Variants in MAP7D2 observed in about 807,000 individuals in gnomAD.
MAP7D2 encodes MAP7 domain-containing protein 2.
In MAP7D2, 33 loss-of-function variants were observed where a neutral mutation model predicts 63.5. The ratio of observed to expected loss-of-function variants is 0.52; its 90% CI spans 0.39 to 0.70. MAP7D2 has a LOEUF of 0.70. Among genes scored for constraint, MAP7D2 ranks in the 30% least tolerant of loss-of-function variants. The pLI is 0.00. For synonymous variants in MAP7D2, 224 were observed against 223.7 expected (o/e 1.00, Z -0.01); for missense variants, 626 against 604.0 (o/e 1.04, Z -0.38).
rs1304921143 is a variant in MAP7D2 at position 20,025,086 on chromosome X, G to A, written c.1280-3C>T. ...GCCTGCTGTGGGCTTCCCCAAGGCT[G>A]CACCAGAGGAGAGGCATCAAGAGGA... On this transcript the variant is annotated splice_polypyrimidine_tract_variant and splice_region_variant and intron_variant, in intron 9 of 16. Coordinates refer to ENST00000379643, the MANE Select transcript of MAP7D2 (RefSeq NM_001168465.2). 8.3e-7 allele frequency: 1 copy of A among 1,199,219 alleles called. No homozygotes were observed. Among genetic ancestry groups the A allele is most frequent in the South Asian group, 1.8e-5 (1 of 54,595 alleles).
intron 16 of MAP7D2, among the ~76,000 whole-genome samples, chrX:20,010,043 A>C (rs745702943): frequency 8.9e-6 from 1 of 112,127 alleles, no homozygotes; most frequent in Admixed American, 9.5e-5. Flanking sequence ...TGGAATTATT[A>C]AATTATTAAA....
intron 1 of MAP7D2, among the ~76,000 whole-genome samples, chrX:20,076,390 T>C (rs908842172): frequency 2.7e-5 from 3 of 111,653 alleles, no homozygotes; most frequent in African/African-American, 9.8e-5. Context: ...GGTATAGACA[T>C]CCAAAAGGTA....
chrX:20,107,322 G>T (rs375952580), intron 1 of MAP7D2, among the ~76,000 whole-genome samples: 1 of 111,354 alleles, frequency 9.0e-6, no homozygotes, highest in Non-Finnish European at 1.9e-5. Context: ...TGTAATCCCA[G>T]CACTTTGGGA....
chrX:20,028,636 T>C (rs1400544606), intron 8 of MAP7D2, among the ~76,000 whole-genome samples: 3 of 111,803 alleles, frequency 2.7e-5, no homozygotes, highest in Non-Finnish European at 5.6e-5. Context: ...CACGCTGTTA[T>C]CTAAGGTGAG....
chrX:20,101,680 T>C (rs1372746020), intron 1 of MAP7D2, among the ~76,000 whole-genome samples: 1 of 112,487 alleles, frequency 8.9e-6, no homozygotes, highest in East Asian at 2.8e-4. Context: ...ATAAAACAAA[T>C]TGTGATACAG....
At chrX:20,049,654 G>A (rs1458464502) in intron 6 of MAP7D2, among the ~76,000 whole-genome samples, 2 of 111,812 alleles carry the variant, frequency 1.8e-5, no homozygotes, top group Non-Finnish European at 3.8e-5. Flanking sequence ...TTGTGAATAA[G>A]TTTTTGTGCA....
At chrX:20,013,003 C>G in intron 14 of MAP7D2, 51 bp downstream of exon 14, 2 of 1,053,870 alleles carry the variant, frequency 1.9e-6, no homozygotes, top group Non-Finnish European at 2.7e-6. Context: ...CCAAGTCTTA[C>G]GAGCTTTTGC....
At chrX:20,109,436 C>T (rs2066668054) in intron 1 of MAP7D2, among the ~76,000 whole-genome samples, 1 of 104,735 alleles carries the variant, frequency 9.5e-6, no homozygotes. Context: ...AGGAGAATCG[C>T]TTGAACCCAG....
At chrX:20,010,669 G>A (rs752178214) in intron 16 of MAP7D2, 108 bp downstream of exon 16, 98 of 635,326 alleles carry the variant, frequency 1.5e-4, no homozygotes, top group East Asian at 3.7e-4. Flanking sequence ...TCATGTTTGC[G>A]TTTTTCAAAT....
chrX:20,064,459 C>T (rs1271459485), intron 2 of MAP7D2, among the ~76,000 whole-genome samples: 4 of 112,055 alleles, frequency 3.6e-5, no homozygotes, highest in African/African-American at 1.3e-4. Context: ...TCAGGGGCAG[C>T]GACTGTTTCT....
At chrX:20,111,973 T>C (rs959958828) in intron 1 of MAP7D2, among the ~76,000 whole-genome samples, 1 of 111,623 alleles carries the variant, frequency 9.0e-6, no homozygotes, top group Non-Finnish European at 1.9e-5. Context: ...GGTTTTGCCA[T>C]GTTGCCCAGG....
intron 1 of MAP7D2, among the ~76,000 whole-genome samples, chrX:20,070,304 G>A (rs867249307): frequency 4.9e-4 from 49 of 100,545 alleles, no homozygotes; most frequent in Middle Eastern, 5.0e-3. Flanking sequence ...TTATTTATTT[G>A]TAGAGATGCA....
intron 8 of MAP7D2, among the ~76,000 whole-genome samples, chrX:20,027,610 C>T (rs2073895267): frequency 9.1e-6 from 1 of 109,986 alleles, no homozygotes; most frequent in Non-Finnish European, 1.9e-5. Context: ...TGCCTTCAGA[C>T]ATTGCTAAAC....
Position 20,116,887 on chromosome X carries a change from C to A in MAP7D2, c.-8G>T. 1.8e-6 allele frequency: 2 copies of A among 1,106,079 alleles called. No individual in the cohort carries two copies. The highest frequency in any genetic ancestry group is 2.4e-6 in the Non-Finnish European group (2 of 844,552). The allele number at this position is 1,106,079 out of a possible 1,213,427, so 91.2% of individuals were successfully genotyped here. The stretch of plus-strand genomic sequence containing the variant: ...GCCGCCGCCGCGCTCCATCGGGATG[C>A]GCCGGCCGCACAGGCGCACTGCCAA... On this transcript the variant is annotated 5_prime_UTR_variant, in exon 1 of 17. Transcript: ENST00000379643.
chrX:20,096,442 A>G (rs1000001636), intron 1 of MAP7D2, among the ~76,000 whole-genome samples: 2 of 106,984 alleles, frequency 1.9e-5, no homozygotes, highest in Non-Finnish European at 3.8e-5. Context: ...AAAAAAAAAA[A>G]AAAAAAGAAA....
intron 11 of MAP7D2, 92 bp from the exon 12 acceptor site, chrX:20,015,419 T>C (rs2073352633): frequency 1.4e-6 from 1 of 691,213 alleles, no homozygotes; most frequent in African/African-American, 2.1e-5. Flanking sequence ...CTTCATCTCA[T>C]CATCTGCCCT....
At chrX:20,112,637 C>G (rs1253202571) in intron 1 of MAP7D2, among the ~76,000 whole-genome samples, 1 of 111,431 alleles carries the variant, frequency 9.0e-6, no homozygotes, top group Non-Finnish European at 1.9e-5. Flanking sequence ...CTACTACCCC[C>G]TCTTCCTTCT....
intron 8 of MAP7D2, among the ~76,000 whole-genome samples, chrX:20,038,201 T>C (rs1244426792): frequency 8.9e-6 from 1 of 111,973 alleles, no homozygotes; most frequent in African/African-American, 3.2e-5. Context: ...AATAGATACT[T>C]ACTCTGGATA....
intron 1 of MAP7D2, among the ~76,000 whole-genome samples, chrX:20,068,252 C>T (rs186050708): frequency 1.8e-5 from 2 of 111,766 alleles, no homozygotes; most frequent in African/African-American, 6.5e-5. Flanking sequence ...TCACACTGGG[C>T]ACACTTTAGG....
Sources: gnomAD v4.1 joint callset for allele counts (sites outside exome capture counted in the v4.1 genomes callset) on GRCh38, gnomAD v4.1.1 for gene constraint, MANE v1.5 for transcripts, NCBI Gene and HGNC (gene_info 2026-07-23, HGNC 2026-07-21) for gene names.